The following TRIM39 variants were observed in gnomAD, a reference collection of about 807,000 sequenced individuals.
TRIM39 encodes tripartite motif containing 39, also known as E3 ubiquitin-protein ligase TRIM39.
Under a neutral mutation model 53.6 loss-of-function variants are expected in TRIM39, and 5 were observed. That is an observed-to-expected ratio of 0.09 (90% CI 0.05 to 0.20). The LOEUF (loss-of-function observed/expected upper bound fraction) is 0.20, where lower values mean the gene tolerates loss of function less well. TRIM39 is among the 10% of genes least tolerant of loss of function. TRIM39 has a pLI of 1.00. For synonymous variants in TRIM39, 196 were observed against 237.6 expected, an observed-to-expected ratio of 0.82 and a Z score of 1.61; for missense variants, 310 against 621.0, an observed-to-expected ratio of 0.50 and a Z score of 5.32.
At chr6:30,340,196 T>C (rs1562422275) in intron 6 of TRIM39, 10 of 1,324,188 alleles carry the variant, frequency 7.6e-6, no homozygotes, top group Non-Finnish European at 1.1e-5. Context: ...GTGGGTGGAA[T>C]TGTGTCCAAA....
chr6:30,338,553 A>G lies in TRIM39; in HGVS notation c.781-1355A>G, dbSNP rs1459372699. On this transcript the variant is annotated intron_variant, in intron 5 of 7. Transcript: ENST00000396551. The surrounding 1 kb of genome is among the most constrained non-coding windows in gnomAD (Gnocchi z 4.0). ...TATGGATGCAGTTCACAGTGCCCCCATAACGATTACAATAGTAACATCAAA... is the reference window on the plus strand; with the variant it reads ...TATGGATGCAGTTCACAGTGCCCCCGTAACGATTACAATAGTAACATCAAA... 6.6e-6 allele frequency among the ~76,000 whole-genome samples: 1 copy of G among 150,862 alleles called. No individual in the cohort carries two copies. The highest frequency in any genetic ancestry group is 1.9e-4 in the East Asian group (1 of 5,192).
chr6:30,337,995 T>A (rs2127406147), intron 5 of TRIM39, among the ~76,000 whole-genome samples: 1 of 152,356 alleles, frequency 6.6e-6, no homozygotes, highest in Admixed American at 6.5e-5. Context: ...TAAAACAACC[T>A]ACCTAACTTT....
intron 3 of TRIM39, among the ~76,000 whole-genome samples, chr6:30,330,139 A>G (rs1160755033): frequency 1.3e-5 from 2 of 152,198 alleles, no homozygotes; most frequent in East Asian, 1.9e-4. Flanking sequence ...TTGTTTTCAC[A>G]CTGGTTATTG....
chr6:30,341,750 C>T, exon 8 of TRIM39: 3 of 1,613,008 alleles, frequency 1.9e-6, no homozygotes, highest in Non-Finnish European at 2.5e-6. Flanking sequence ...TCATCCTAAC[C>T]TAGTCCTGTC....
At position 30,338,216 on chromosome 6, in the gene TRIM39, CTT is replaced by C. The variant is rs9278648; in HGVS notation, c.781-1689_781-1688del. Among the ~76,000 whole-genome samples, 13,082 of 152,156 alleles carry C rather than the reference CTT, an allele frequency of 0.086. 687 individuals are homozygous for C. The highest frequency in any genetic ancestry group is 0.11 in the Non-Finnish European group (7,227 of 67,980). ...TAGCACTTTTAATTTTCTTCAATAA[CTT>C]TTCCTTAGCATTCACAGCCTGGCTT... On this transcript the variant is annotated intron_variant, in intron 5 of 7. Coordinates refer to ENST00000396551, the Ensembl canonical transcript of TRIM39. The surrounding 1 kb of genome is among the most constrained non-coding windows in gnomAD (Gnocchi z 4.0).
At chr6:30,336,213 A>G (rs1786842419) in intron 5 of TRIM39, 1 of 731,192 alleles carries the variant, frequency 1.4e-6, no homozygotes, top group Non-Finnish European at 2.4e-6. Context: ...TTCCAAAGAA[A>G]AGATTCATTC....
At position 30,339,153 on chromosome 6, in the gene TRIM39, T is replaced by TG. The variant is rs1477187450; in HGVS notation, c.781-755_781-754insG. On this transcript the variant is annotated intron_variant, in intron 5 of 7. Coordinates refer to ENST00000396551, the Ensembl canonical transcript of TRIM39. This position sits in a 1 kb window ranked among gnomAD's most constrained non-coding sequence, Gnocchi z 4.2. ...ACACAGTTATTAATGTGTTTATTCTTCCTTTTTTTTTTTTCTGAGAGAGTC... is the reference window on the plus strand; with the variant it reads ...ACACAGTTATTAATGTGTTTATTCTTGCCTTTTTTTTTTTTCTGAGAGAGTC... 2.6e-5 allele frequency among the ~76,000 whole-genome samples: 4 copies of TG among 151,536 alleles called. No homozygotes were observed. Among genetic ancestry groups the TG allele is most frequent in the African/African-American group, 4.9e-5 (2 of 41,180 alleles).
chr6:30,342,226 A>G lies in TRIM39; in HGVS notation c.1434A>G (p.Pro478=). Residue 478 remains proline, a synonymous_variant, in exon 8 of 8, where the codon CCA becomes CCG. Transcript: ENST00000396551. The surrounding 1 kb of genome is among the most constrained non-coding windows in gnomAD (Gnocchi z 4.7). ...GGGCTGGACGGAAGAATGCTGCACC[A>G]CTTACCATCAGGCCCCCAACAGATT... is the stretch of plus-strand genomic sequence containing the variant. 6.2e-7 allele frequency: 1 copy of G among 1,612,954 alleles called. No individual in the cohort carries two copies. The highest frequency in any genetic ancestry group is 8.5e-7 in the Non-Finnish European group (1 of 1,179,996).
chr6:30,327,152 C>T (rs1015933260), intron 1 of TRIM39, 157 bp downstream of exon 1: 1 of 152,638 alleles, frequency 6.6e-6, no homozygotes, highest in Admixed American at 6.5e-5. Flanking sequence ...CGTTTTGCCG[C>T]CCCGGCGACG....
intron 3 of TRIM39, among the ~76,000 whole-genome samples, chr6:30,330,326 ACTTTG>A (rs1785981735): frequency 6.6e-6 from 1 of 152,252 alleles, no homozygotes; most frequent in Non-Finnish European, 1.5e-5. Context: ...TTTATCATAT[ACTTTG>A]CTTAGTTATG....
rs138760276 is a variant in TRIM39 at position 30,338,816 on chromosome 6, T to G, written c.781-1092T>G. Among the ~76,000 whole-genome samples, 1 of 152,236 alleles carries G rather than the reference T, an allele frequency of 6.6e-6. No homozygotes were observed. The highest frequency in any genetic ancestry group is 2.4e-5 in the African/African-American group (1 of 41,534). ...GGTATGCCTGAAATTGTTTAAATAA[T>G]ATATTGCTTTTGATATGTATATATT... On this transcript the variant is annotated intron_variant, in intron 5 of 7. Transcript: ENST00000396551. The surrounding 1 kb of genome is among the most constrained non-coding windows in gnomAD (Gnocchi z 4.0).
Position 30,335,349 on chromosome 6 carries a change from C to T in TRIM39, c.550-396C>T, listed in dbSNP as rs745321040. ...TTTCCTGTCTGTCTGTCTTTCATCT[C>T]GATCTGTTGCCCAAGCTGGAGTGCA... is the stretch of plus-strand genomic sequence containing the variant. On this transcript the variant is annotated intron_variant, in intron 4 of 7. Coordinates refer to ENST00000396551, the Ensembl canonical transcript of TRIM39. This position sits in a 1 kb window ranked among gnomAD's most constrained non-coding sequence, Gnocchi z 4.7. Among the ~76,000 whole-genome samples the T allele has an allele frequency of 1.5e-4, 23 of 152,000 alleles. No homozygotes were observed. The highest frequency in any genetic ancestry group is 4.2e-4 in the South Asian group (2 of 4,818).
At position 30,342,489 on chromosome 6, in the gene TRIM39, C is replaced by A; in HGVS notation, c.*230C>A. ...ACTGTCAGGGTGGGGAGCTGGTTCC[C>A]AGAGGATTGTCTACCCTGAAGTCCA... is the stretch of plus-strand genomic sequence containing the variant. On this transcript the variant is annotated 3_prime_UTR_variant, in exon 8 of 8. Transcript: ENST00000396551. This position sits in a 1 kb window ranked among gnomAD's most constrained non-coding sequence, Gnocchi z 4.7. The A allele has an allele frequency of 1.7e-6, 1 of 595,200 alleles. No individual in the cohort carries two copies. Among genetic ancestry groups the A allele is most frequent in the Non-Finnish European group, 3.0e-6 (1 of 336,846 alleles). 36.9% of individuals were successfully genotyped at this position (595,200 alleles called of 1,614,324 possible).
chr6:30,341,087 A>G lies in TRIM39; in HGVS notation c.919+467A>G, dbSNP rs528963212. Among the ~76,000 whole-genome samples the G allele has an allele frequency of 7.0e-4, 107 of 152,208 alleles. 2 individuals are homozygous for G. Among genetic ancestry groups the G allele is most frequent in the Admixed American group, 5.4e-3 (82 of 15,280 alleles). The stretch of plus-strand genomic sequence containing the variant: ...GCCAGATGTGGTGTTGGGCGCCTGT[A>G]ATCCCAGCTCCTCTGGAGGCTGAGG... On this transcript the variant is annotated intron_variant, in intron 7 of 7. Transcript: ENST00000396551.
At chr6:30,333,258 A>G (rs1786415893) in intron 4 of TRIM39, among the ~76,000 whole-genome samples, 1 of 152,166 alleles carries the variant, frequency 6.6e-6, no homozygotes, top group Admixed American at 6.5e-5. Flanking sequence ...GCTATTGCTG[A>G]AAAATTCACG....
At chr6:30,331,017 C>A (rs1013238808) in intron 4 of TRIM39, 141 bp downstream of exon 4, 9 of 1,023,878 alleles carry the variant, frequency 8.8e-6, no homozygotes, top group Non-Finnish European at 1.3e-5. Context: ...CACCTGTAAT[C>A]CCAGCAATTC....
At chr6:30,336,874 T>G (rs1786925949) in intron 5 of TRIM39, among the ~76,000 whole-genome samples, 1 of 152,236 alleles carries the variant, frequency 6.6e-6, no homozygotes, top group Non-Finnish European at 1.5e-5. Flanking sequence ...CCTAGATCTA[T>G]CAGAAAAATC....
chr6:30,329,333 C>T (rs776094016), exon 3 of TRIM39: 1 of 1,611,862 alleles, frequency 6.2e-7, no homozygotes, highest in Non-Finnish European at 8.5e-7. Flanking sequence ...AGAGACAAGT[C>T]TGTTAGAGGC....
At chr6:30,341,331 C>T (rs549954235) in intron 7 of TRIM39, 2 of 540,780 alleles carry the variant, frequency 3.7e-6, no homozygotes, top group South Asian at 3.1e-5. Flanking sequence ...ATCCCTAGAC[C>T]ATATGCTGTC....
Sources: gnomAD v4.1 joint callset for allele counts (sites outside exome capture counted in the v4.1 genomes callset) on GRCh38, gnomAD v4.1.1 for gene constraint, Gnocchi (gnomAD v3.1) non-coding constraint, MANE v1.5 for transcripts, NCBI Gene and HGNC (gene_info 2026-07-23, HGNC 2026-07-21) for gene names.